Variants in AMBRA1 observed in about 807,000 individuals in gnomAD.
The protein encoded by AMBRA1 is autophagy and beclin 1 regulator 1.
Under a neutral mutation model 125.4 loss-of-function variants are expected in AMBRA1, and 47 were observed. The observed-to-expected ratio is 0.37, with a 90% CI of 0.30 to 0.48. The LOEUF (loss-of-function observed/expected upper bound fraction) is 0.48, where lower values mean the gene tolerates loss of function less well. Among genes scored for constraint, AMBRA1 ranks in the 20% least tolerant of loss-of-function variants. The pLI is 0.99. For synonymous variants in AMBRA1, 626 were observed against 655.5 expected, an observed-to-expected ratio of 0.95 and a Z score of 0.69; for missense variants, 1,331 against 1,693.4, an observed-to-expected ratio of 0.79 and a Z score of 3.76.
intron 1 of AMBRA1, among the ~76,000 whole-genome samples, chr11:46,563,515 C>G (rs752763831): frequency 6.6e-6 from 1 of 152,088 alleles, no homozygotes; most frequent in East Asian, 1.9e-4. Flanking sequence ...ATGAGCCACA[C>G]GGCACCCTGA....
intron 1 of AMBRA1, among the ~76,000 whole-genome samples, chr11:46,565,196 T>A (rs1357443010): frequency 2.0e-5 from 3 of 151,724 alleles, no homozygotes. Flanking sequence ...AGGCGAAGGT[T>A]GCAATGAGCC....
chr11:46,443,043 T>A (rs1948097393), intron 12 of AMBRA1, among the ~76,000 whole-genome samples: 1 of 152,166 alleles, frequency 6.6e-6, no homozygotes, highest in South Asian at 2.1e-4. Context: ...ATTAAGCAAT[T>A]CAGCAAACAT....
chr11:46,432,348 C>T (rs924818460), intron 14 of AMBRA1, among the ~76,000 whole-genome samples: 2 of 152,006 alleles, frequency 1.3e-5, no homozygotes, highest in African/African-American at 2.4e-5. Flanking sequence ...GAGGGCATTC[C>T]AAGTAAAGGT....
intron 11 of AMBRA1, among the ~76,000 whole-genome samples, chr11:46,458,565 G>A (rs560719527): frequency 6.6e-6 from 1 of 152,230 alleles, no homozygotes; most frequent in East Asian, 1.9e-4. Context: ...CTTGAGAGAA[G>A]GGATCAACTT....
chr11:46,471,296 C>T (rs975785888), intron 11 of AMBRA1, among the ~76,000 whole-genome samples: 6 of 151,636 alleles, frequency 4.0e-5, no homozygotes, highest in African/African-American at 1.5e-4. Flanking sequence ...TATAAAAATT[C>T]GTCTGGGCAC....
chr11:46,426,008 G>A (rs555629717), intron 14 of AMBRA1, among the ~76,000 whole-genome samples: 2 of 151,194 alleles, frequency 1.3e-5, no homozygotes, highest in South Asian at 2.1e-4. Flanking sequence ...TTAGCTGGGC[G>A]TGGTGGCGGG....
intron 12 of AMBRA1, among the ~76,000 whole-genome samples, chr11:46,438,042 G>A (rs558187680): frequency 1.3e-5 from 2 of 152,264 alleles, no homozygotes; most frequent in Admixed American, 1.3e-4. Context: ...GCCGGACTGG[G>A]ACTACACCTG....
intron 9 of AMBRA1, among the ~76,000 whole-genome samples, chr11:46,505,453 G>A (rs1364899742): frequency 2.0e-5 from 3 of 152,060 alleles, no homozygotes; most frequent in Admixed American, 6.5e-5. Context: ...CTAATGTTGA[G>A]GTGACTAATC....
intron 9 of AMBRA1, among the ~76,000 whole-genome samples, chr11:46,501,195 A>G (rs1426824981): frequency 2.0e-5 from 3 of 152,228 alleles, no homozygotes; most frequent in Non-Finnish European, 4.4e-5. Context: ...TTGATGAGGG[A>G]AAAAAATCAA....
In AMBRA1 at chr11:46,542,637, T is replaced by C; in HGVS notation, c.1380A>G (p.Ala460=). Residue 460 remains alanine, a synonymous_variant, in exon 7 of 18, where the codon GCA becomes GCG. Coordinates refer to ENST00000683756, the MANE Select transcript of AMBRA1 (RefSeq NM_001387011.1). This position sits in a 1 kb window ranked among gnomAD's most constrained non-coding sequence, Gnocchi z 5.9. The stretch of plus-strand genomic sequence containing the variant: ...CTTCTGTGGCTGAAGTGTACACAGA[T>C]GCCTGAGAGCCACCTTCCTGCTGTC... ...VLRQQEGGSQ[A]SVYTSATEGR... 6.2e-7 allele frequency: 1 copy of C among 1,614,154 alleles called. No homozygotes were observed. Among genetic ancestry groups the C allele is most frequent in the Non-Finnish European group, 8.5e-7 (1 of 1,180,026 alleles).
chr11:46,547,074 G>T (rs1384136935), intron 4 of AMBRA1, 39 bp downstream of exon 4: 2 of 1,542,422 alleles, frequency 1.3e-6, no homozygotes, highest in South Asian at 1.3e-5. Flanking sequence ...AAAAAAATTA[G>T]AACACCAAAA....
intron 7 of AMBRA1, among the ~76,000 whole-genome samples, chr11:46,518,904 T>C (rs1591014114): frequency 1.3e-5 from 2 of 152,228 alleles, no homozygotes; most frequent in African/African-American, 4.8e-5. Context: ...AGAAGTTCCC[T>C]GTATCAGCTG....
At chr11:46,447,777 T>C (rs906709474) in intron 11 of AMBRA1, among the ~76,000 whole-genome samples, 1 of 144,432 alleles carries the variant, frequency 6.9e-6, no homozygotes, top group African/African-American at 2.6e-5. Flanking sequence ...GATAGATAGA[T>C]AGTGATGGCA....
intron 9 of AMBRA1, among the ~76,000 whole-genome samples, chr11:46,506,548 G>A (rs768376452): frequency 3.8e-4 from 58 of 152,158 alleles, no homozygotes; most frequent in Non-Finnish European, 5.7e-4. Flanking sequence ...TTCAGTTAAG[G>A]AAGAAAGCTG....
chr11:46,468,654 A>G (rs1163424309), intron 11 of AMBRA1, among the ~76,000 whole-genome samples: 1 of 148,046 alleles, frequency 6.8e-6, no homozygotes, highest in African/African-American at 2.5e-5. Flanking sequence ...AAAAAATACA[A>G]AAAAAAAAAT....
In AMBRA1 at chr11:46,438,131, C is replaced by G. The variant is rs190667912; in HGVS notation, c.2633-3094G>C. On this transcript the variant is annotated intron_variant, in intron 12 of 17. Transcript: ENST00000683756. ...CTGGCTTTCACTTAAAGGCAAAAAACATATTGGAAAAAAATGATGGGGTAT... is the reference window on the plus strand; with the variant it reads ...CTGGCTTTCACTTAAAGGCAAAAAAGATATTGGAAAAAAATGATGGGGTAT... Among the ~76,000 whole-genome samples the G allele has an allele frequency of 2.0e-5, 3 of 152,064 alleles. No individual in the cohort carries two copies. In the East Asian group the frequency reaches 5.8e-4, roughly 29 times the overall value.
At chr11:46,564,118 T>G (rs539750709) in intron 1 of AMBRA1, among the ~76,000 whole-genome samples, 1 of 124,024 alleles carries the variant, frequency 8.1e-6, no homozygotes, top group African/African-American at 3.2e-5. Flanking sequence ...CACTCCACTC[T>G]GGGCAACAAG....
intron 1 of AMBRA1, among the ~76,000 whole-genome samples, chr11:46,586,739 G>A (rs2044414617): frequency 6.6e-6 from 1 of 152,152 alleles, no homozygotes; most frequent in Admixed American, 6.6e-5. Flanking sequence ...GTATTTTACA[G>A]ATGAGGAGAG....
At chr11:46,479,375 C>T (rs982516553) in intron 11 of AMBRA1, among the ~76,000 whole-genome samples, 4 of 152,174 alleles carry the variant, frequency 2.6e-5, no homozygotes, top group African/African-American at 9.7e-5. Flanking sequence ...ACCCAAACAG[C>T]TTGCTTTAGC....
Sources: allele counts gnomAD v4.1 joint callset (sites outside exome capture counted in the v4.1 genomes callset), GRCh38; gene constraint gnomAD v4.1.1; non-coding constraint Gnocchi (gnomAD v3.1); transcripts MANE v1.5; gene names NCBI Gene and HGNC (gene_info 2026-07-23, HGNC 2026-07-21).